Variants in OSBPL10 observed in about 807,000 individuals in gnomAD.
OSBPL10 encodes oxysterol binding protein like 10.
In OSBPL10, 49 loss-of-function variants were observed where a neutral mutation model predicts 81.7. The observed-to-expected ratio is 0.60, with a 90% CI of 0.48 to 0.76. The LOEUF is 0.76. Ranked by LOEUF, OSBPL10 falls within the 30% of genes least tolerant of loss-of-function variation. The pLI, the probability that OSBPL10 is intolerant of heterozygous loss-of-function variation, is 0.00. For missense variants in OSBPL10, 923 were observed against 987.8 expected (o/e 0.93, Z 0.88); for synonymous variants, 419 against 383.6 (o/e 1.09, Z -1.08).
chr3:31,864,328 G>A (rs184412943), intron 3 of OSBPL10, among the ~76,000 whole-genome samples: 2 of 152,190 alleles, frequency 1.3e-5, no homozygotes, highest in Admixed American at 6.5e-5. Context: ...TGCAACCTCC[G>A]CCTCCTGGGT....
intron 2 of OSBPL10, among the ~76,000 whole-genome samples, chr3:31,988,427 T>C (rs949306207): frequency 6.6e-5 from 10 of 152,000 alleles, no homozygotes; most frequent in African/African-American, 2.4e-4. Flanking sequence ...GGCCAGAGGG[T>C]AGACTGTAGT....
At position 31,932,506 on chromosome 3, in the gene OSBPL10, TA is replaced by T. The variant is rs1697277096; in HGVS notation, c.281+48392del. 2.6e-5 allele frequency among the ~76,000 whole-genome samples: 4 copies of T among 152,212 alleles called. No individual in the cohort carries two copies. In the South Asian group the frequency reaches 8.3e-4, roughly 32 times the overall value. On this transcript the variant is annotated intron_variant, in intron 1 of 11. Coordinates refer to ENST00000396556, the MANE Select transcript of OSBPL10 (RefSeq NM_017784.5). ...CATTGGTAATGGTTTCCCTATGATT[TA>T]AATTTAACGAACACCTTGTCTCCAC...
intron 1 of OSBPL10, among the ~76,000 whole-genome samples, chr3:31,936,833 C>A (rs11925027): frequency 0.16 from 24,948 of 152,218 alleles, 2,489 homozygotes; most frequent in South Asian, 0.26. Flanking sequence ...TCACTGCTGA[C>A]TTTCAAGAAC....
At position 31,660,833 on chromosome 3, in the gene OSBPL10, A is replaced by T. The variant is rs1347938122; in HGVS notation, c.*1239T>A. On this transcript the variant is annotated 3_prime_UTR_variant, in exon 12 of 12. Coordinates refer to ENST00000396556, the MANE Select transcript of OSBPL10 (RefSeq NM_017784.5). ...AAACACAGACACAGATATGTATTCA[A>T]TCGAAATATATTTGTCTAATATCTA... The T allele has an allele frequency of 1.3e-5, 2 of 152,684 alleles. No individual in the cohort carries two copies. Among genetic ancestry groups the T allele is most frequent in the African/African-American group, 4.8e-5 (2 of 41,462 alleles). 9.5% of individuals were successfully genotyped at this position (152,684 alleles called of 1,614,324 possible).
In OSBPL10 at chr3:32,042,905, G is replaced by A. The variant is rs564940574; in HGVS notation, n.298+3586C>T. Among the ~76,000 whole-genome samples, 3 of 152,206 alleles carry A rather than the reference G, an allele frequency of 2.0e-5. No homozygotes were observed. In the South Asian group the frequency reaches 6.3e-4, roughly 32 times the overall value. On this transcript the variant is annotated intron_variant and non_coding_transcript_variant, in intron 2 of 3. Transcript: ENST00000479173. ...TCACAAGGCAAAGGGCAAAAGCAAA[G>A]ATCACAAGGCAAAGGGCAAAAGCAG... is the stretch of plus-strand genomic sequence containing the variant.
At chr3:31,752,989 G>A (rs1017772424) in intron 4 of OSBPL10, among the ~76,000 whole-genome samples, 1 of 152,168 alleles carries the variant, frequency 6.6e-6, no homozygotes, top group South Asian at 2.1e-4. Context: ...TACTCAATCT[G>A]TCTGGCTTGG....
chr3:31,670,392 G>A (rs1161292819), intron 9 of OSBPL10, among the ~76,000 whole-genome samples: 2 of 152,208 alleles, frequency 1.3e-5, no homozygotes, highest in African/African-American at 4.8e-5. Flanking sequence ...AAATGATCTT[G>A]ACCTCATGGA....
chr3:31,962,273 G>A (rs1483347815), intron 1 of OSBPL10, among the ~76,000 whole-genome samples: 1 of 152,088 alleles, frequency 6.6e-6, no homozygotes, highest in East Asian at 1.9e-4. Context: ...ACCAATTTTG[G>A]ATTCGAGGTC....
At position 31,928,762 on chromosome 3, in the gene OSBPL10, C is replaced by CCAA. The variant is rs768296819; in HGVS notation, c.282-48933_282-48932insTTG. ...TCTGGGCGACAGTGAGACTTGTCTC[C>CCAA]AAAAAAAAAAAAAAAAAAAGAATGC... On this transcript the variant is annotated intron_variant, in intron 1 of 11. Coordinates refer to ENST00000396556, the MANE Select transcript of OSBPL10 (RefSeq NM_017784.5). Among the ~76,000 whole-genome samples the CCAA allele has an allele frequency of 1.8e-4, 17 of 95,096 alleles. 1 individual carries two copies. Among genetic ancestry groups the CCAA allele is most frequent in the East Asian group, 1.5e-3 (5 of 3,380 alleles). The allele number at this position is 95,096 out of a possible 152,430, so 62.4% of individuals were successfully genotyped here.
At chr3:31,909,108 G>A (rs576043583) in intron 1 of OSBPL10, among the ~76,000 whole-genome samples, 1 of 152,204 alleles carries the variant, frequency 6.6e-6, no homozygotes, top group Non-Finnish European at 1.5e-5. Flanking sequence ...CATAGCCTGA[G>A]CTAAGGGAAA....
At chr3:31,994,857 C>T (rs1364474528) in intron 2 of OSBPL10, among the ~76,000 whole-genome samples, 1 of 152,110 alleles carries the variant, frequency 6.6e-6, no homozygotes, top group Admixed American at 6.6e-5. Flanking sequence ...TTCTATTTTC[C>T]CTAAGTGTCG....
chr3:31,872,493 A>T (rs1701356010), intron 3 of OSBPL10, among the ~76,000 whole-genome samples: 3 of 144,790 alleles, frequency 2.1e-5, no homozygotes, highest in African/African-American at 2.6e-5. Flanking sequence ...ATTTAGGGTT[A>T]TTCACACTTT....
intron 1 of OSBPL10, among the ~76,000 whole-genome samples, chr3:31,894,301 A>AG (rs1288308932): frequency 6.6e-6 from 1 of 152,220 alleles, no homozygotes; most frequent in Non-Finnish European, 1.5e-5. Flanking sequence ...AGGAACAAGG[A>AG]GGACAAGGGG....
chr3:31,851,438 G>T (rs528601588), intron 3 of OSBPL10, among the ~76,000 whole-genome samples: 2 of 152,140 alleles, frequency 1.3e-5, no homozygotes, highest in African/African-American at 4.8e-5. Context: ...GCCTCTCCCC[G>T]CATCTGCCCA....
At chr3:31,712,196 T>C (rs1406310799) in intron 6 of OSBPL10, among the ~76,000 whole-genome samples, 1 of 152,238 alleles carries the variant, frequency 6.6e-6, no homozygotes, top group Non-Finnish European at 1.5e-5. Context: ...CAATAATTTC[T>C]AAATGTATGT....
At chr3:31,927,625 A>G (rs1348477555) in intron 1 of OSBPL10, among the ~76,000 whole-genome samples, 4 of 152,232 alleles carry the variant, frequency 2.6e-5, no homozygotes, top group African/African-American at 9.6e-5. Context: ...AATGGCCCTA[A>G]GTGGCCTTGG....
At chr3:31,982,683 G>C (rs796396087), upstream of OSBPL10, among the ~76,000 whole-genome samples, 3 of 152,040 alleles carry the variant, frequency 2.0e-5, no homozygotes, top group African/African-American at 7.2e-5. Context: ...AGCTTGCCTG[G>C]ACCAAATTTG....
chr3:31,669,484 G>T (rs1700274106), intron 9 of OSBPL10, among the ~76,000 whole-genome samples: 1 of 152,112 alleles, frequency 6.6e-6, no homozygotes, highest in African/African-American at 2.4e-5. Flanking sequence ...TGGAAAAGGA[G>T]GGAAACATCC....
At chr3:31,671,079 G>A (rs567836409) in intron 8 of OSBPL10, 96 bp from the exon 9 acceptor site, 357 of 1,204,500 alleles carry the variant, frequency 3.0e-4, no homozygotes, top group Non-Finnish European at 3.8e-4. Flanking sequence ...AGAGCCTCCT[G>A]CACAGATGTC....
Sources: gnomAD v4.1 joint callset for allele counts (sites outside exome capture counted in the v4.1 genomes callset) on GRCh38, gnomAD v4.1.1 for gene constraint, MANE v1.5 for transcripts, NCBI Gene and HGNC (gene_info 2026-07-23, HGNC 2026-07-21) for gene names.